DMXL2: variants seen among roughly 807,000 people sequenced by gnomAD.
DMXL2 encodes dmX-like protein 2.
Under a neutral mutation model 331.1 loss-of-function variants are expected in DMXL2, and 103 were observed. That is an observed-to-expected ratio of 0.31 (90% CI 0.27 to 0.37). DMXL2 has a LOEUF of 0.37. DMXL2 is among the 10% of genes least tolerant of loss of function. The probability of loss-of-function intolerance (pLI) is 1.00; values close to 1 mark genes in which losing one functional copy is unlikely to be tolerated. For synonymous variants in DMXL2, 1,281 were observed against 1,252.1 expected (o/e 1.02, Z -0.49); for missense variants, 3,171 against 3,642.9 (o/e 0.87, Z 3.33).
At chr15:51,478,744 G>A (rs143133580) in intron 25 of DMXL2, among the ~76,000 whole-genome samples, 6 of 151,774 alleles carry the variant, frequency 4.0e-5, no homozygotes, top group African/African-American at 7.3e-5. Context: ...CACGAAATTC[G>A]CCTTGATGAA....
At chr15:51,457,647 T>G (rs1242850412) in intron 36 of DMXL2, 181 bp from the exon 37 acceptor site, 2 of 607,034 alleles carry the variant, frequency 3.3e-6, no homozygotes, top group African/African-American at 3.8e-5. Flanking sequence ...TTTTCCCTTT[T>G]GGCAAAATGT....
intron 1 of DMXL2, among the ~76,000 whole-genome samples, chr15:51,602,608 TG>T (rs779569414): frequency 4.6e-5 from 7 of 152,296 alleles, no homozygotes; most frequent in Non-Finnish European, 7.4e-5. Context: ...CCCCAGGCTG[TG>T]CAAGCATAAT....
intron 13 of DMXL2, among the ~76,000 whole-genome samples, chr15:51,522,764 T>G (rs2047450079): frequency 6.6e-6 from 1 of 152,240 alleles, no homozygotes; most frequent in Non-Finnish European, 1.5e-5. Flanking sequence ...ACCTCAAAAC[T>G]ATCTTGCCAT....
chr15:51,600,909 C>T (rs913469492), intron 1 of DMXL2, among the ~76,000 whole-genome samples: 3 of 152,058 alleles, frequency 2.0e-5, no homozygotes, highest in African/African-American at 4.8e-5. Context: ...CACAATAATC[C>T]CTGGAGCCCC....
chr15:51,580,569 T>C (rs1437909998), intron 1 of DMXL2, among the ~76,000 whole-genome samples: 1 of 152,192 alleles, frequency 6.6e-6, no homozygotes. Flanking sequence ...CTTCTAACAG[T>C]ACTGACCTAT....
At chr15:51,535,062 A>G (rs1380480638) in intron 13 of DMXL2, among the ~76,000 whole-genome samples, 1 of 152,196 alleles carries the variant, frequency 6.6e-6, no homozygotes, top group East Asian at 1.9e-4. Context: ...TTCCCTCTAC[A>G]TCTAGGAGAA....
At chr15:51,615,508 C>T (rs995856090) in intron 1 of DMXL2, among the ~76,000 whole-genome samples, 20 of 152,312 alleles carry the variant, frequency 1.3e-4, no homozygotes, top group Middle Eastern at 3.4e-3. Context: ...TCTCTGGCCT[C>T]TCCTCACTAG....
intron 36 of DMXL2, 147 bp from the exon 37 acceptor site, chr15:51,457,613 G>A (rs1427616018): frequency 4.5e-6 from 4 of 887,944 alleles, no homozygotes; most frequent in Admixed American, 2.8e-5. Flanking sequence ...AGTCCTAATC[G>A]CCAATGTTAA....
At chr15:51,546,740 AC>A (rs1354554465) in intron 7 of DMXL2, among the ~76,000 whole-genome samples, 4 of 152,154 alleles carry the variant, frequency 2.6e-5, no homozygotes, top group Non-Finnish European at 5.9e-5. Flanking sequence ...ATTTAAAAAA[AC>A]AACAACAAAA....
At chr15:51,504,810 C>T (rs1222966416) in intron 16 of DMXL2, among the ~76,000 whole-genome samples, 2 of 152,008 alleles carry the variant, frequency 1.3e-5, no homozygotes, top group Admixed American at 6.5e-5. Context: ...CACTTCACCA[C>T]CATCTCTGGC....
chr15:51,563,908 T>C (rs986997240), intron 5 of DMXL2, among the ~76,000 whole-genome samples: 1 of 152,102 alleles, frequency 6.6e-6, no homozygotes, highest in African/African-American at 2.4e-5. Flanking sequence ...GTCCTGGGGC[T>C]ATAACTATGA....
intron 36 of DMXL2, chr15:51,458,081 A>C (rs548006547): frequency 1.9e-5 from 3 of 160,262 alleles, no homozygotes; most frequent in African/African-American, 7.2e-5. Context: ...CTCTTGGTGC[A>C]GTGTCCATAG....
rs116828197 is a variant in DMXL2 at position 51,551,275 on chromosome 15, C to G, written c.568-3867G>C. Among the ~76,000 whole-genome samples the G allele has an allele frequency of 2.4e-3, 363 of 152,248 alleles. 2 individuals carry two copies. The highest frequency in any genetic ancestry group is 8.4e-3 in the African/African-American group (349 of 41,548). ...AGGATCCTTACCAGAAAAGCATTAT[C>G]TTTCCATAAGAATTATGAAACACTT... On this transcript the variant is annotated intron_variant, in intron 6 of 43. Transcript: ENST00000560891.
chr15:51,612,754 G>A (rs893158875), intron 1 of DMXL2, among the ~76,000 whole-genome samples: 1 of 152,152 alleles, frequency 6.6e-6, no homozygotes, highest in Non-Finnish European at 1.5e-5. Context: ...CTTATCAGGA[G>A]ACAGGGTTTG....
intron 1 of DMXL2, among the ~76,000 whole-genome samples, chr15:51,582,771 G>A (rs2051528512): frequency 6.6e-6 from 1 of 152,030 alleles, no homozygotes; most frequent in African/African-American, 2.4e-5. Context: ...CACATAAAAT[G>A]TTTAATATTA....
intron 13 of DMXL2, among the ~76,000 whole-genome samples, chr15:51,520,357 C>T (rs1407883869): frequency 6.6e-6 from 1 of 152,204 alleles, no homozygotes; most frequent in Admixed American, 6.5e-5. Flanking sequence ...GGACAAATCA[C>T]TCAGCAAGGT....
rs747023917 is a variant in DMXL2, at chr15:51,507,202, T to C, written c.2696A>G (p.Lys899Arg). The change falls in exon 16 of 44, where the codon AAG (lysine) becomes AGG (arginine). Residue 899 changes from lysine (K) to arginine (R), a missense_variant. Physicochemically the swap from Lys to Arg is conservative, Grantham distance 26. Around this residue, in one of 7 missense-constraint regions of DMXL2, gnomAD observed 1,674 missense variants for 1,780.2 expected, o/e 0.94. Coordinates refer to ENST00000560891, the MANE Select transcript of DMXL2 (RefSeq NM_001378457.1). The part of the protein sequence containing the change: ...SEKFFLVVIE[K>R]DSNNNSILHM... ...CAGAATAGAGTTATTATTGCTGTCC[T>C]TCTCAATTACTACTAGAAAGAACTT... is the stretch of plus-strand genomic sequence containing the variant. 1 of 1,611,608 alleles carries C rather than the reference T, an allele frequency of 6.2e-7. No individual in the cohort carries two copies. Among genetic ancestry groups the C allele is most frequent in the Admixed American group, 1.7e-5 (1 of 59,962 alleles).
At chr15:51,573,962 A>G (rs1256671155) in intron 2 of DMXL2, among the ~76,000 whole-genome samples, 1 of 152,148 alleles carries the variant, frequency 6.6e-6, no homozygotes, top group Non-Finnish European at 1.5e-5. Flanking sequence ...GAAACTTTAT[A>G]ATCCAGTGAA....
chr15:51,547,092 G>A, intron 7 of DMXL2, 138 bp downstream of exon 7: 1 of 730,286 alleles, frequency 1.4e-6, no homozygotes. Flanking sequence ...GAAGCTAATA[G>A]TAGGATTTGA....
Sources: gnomAD v4.1 joint callset for allele counts (sites outside exome capture counted in the v4.1 genomes callset) on GRCh38, gnomAD v4.1.1 for gene constraint, gnomAD v4.1.1 regional missense constraint, MANE v1.5 for transcripts, NCBI Gene and HGNC (gene_info 2026-07-23, HGNC 2026-07-21) for gene names.